Variants in MYLK4 observed in about 807,000 individuals in gnomAD.
The protein encoded by MYLK4 is myosin light chain kinase family member 4.
Under a neutral mutation model 48.1 loss-of-function variants are expected in MYLK4, and 46 were observed. The ratio of observed to expected loss-of-function variants is 0.96; its 90% confidence interval spans 0.75 to 1.22. The LOEUF is 1.22. MYLK4 is among the 50% of genes most tolerant of loss of function. The pLI, the probability that MYLK4 is intolerant of heterozygous loss-of-function variation, is 0.00. For synonymous variants in MYLK4, 170 were observed against 180.8 expected, an observed-to-expected ratio of 0.94 and a Z score of 0.48; for missense variants, 451 against 486.1, an observed-to-expected ratio of 0.93 and a Z score of 0.68.
intron 7 of MYLK4, among the ~76,000 whole-genome samples, chr6:2,682,031 C>T (rs1480452540): frequency 6.6e-6 from 1 of 152,206 alleles, no homozygotes; most frequent in East Asian, 1.9e-4. Context: ...CTGCTCTCCT[C>T]CTGCTCAAAA....
the MYLK4 span, among the ~76,000 whole-genome samples, chr6:2,769,233 T>G: frequency 6.6e-6 from 1 of 152,238 alleles, no homozygotes; most frequent in Admixed American, 6.5e-5. Context: ...AATGGGTTTT[T>G]AAAAATTACT....
chr6:2,765,763 C>T, the MYLK4 span: 1 of 1,473,212 alleles, frequency 6.8e-7, no homozygotes, highest in African/African-American at 1.5e-5. Flanking sequence ...CGGCGGGGCA[C>T]GCGGAGCCCG....
In MYLK4 at chr6:2,739,716, A is replaced by T. The variant is rs200170489; in HGVS notation, c.159+9420T>A. The stretch of plus-strand genomic sequence containing the variant: ...ATCATTACAATTAATACAAAATGCC[A>T]GGAGGCACTGTACAGGTTGTATCTC... On this transcript the variant is annotated intron_variant, in intron 2 of 12. Coordinates refer to ENST00000274643, the MANE Select transcript of MYLK4 (RefSeq NM_001012418.5). Among the ~76,000 whole-genome samples the T allele has an allele frequency of 1.8e-4, 27 of 152,404 alleles. No homozygotes were observed. The East Asian group carries it at 5.2e-3, about 29-fold the overall frequency.
At chr6:2,760,751 C>T in the MYLK4 span, among the ~76,000 whole-genome samples, 1 of 152,126 alleles carries the variant, frequency 6.6e-6, no homozygotes, top group Non-Finnish European at 1.5e-5. Flanking sequence ...GCATTTCTTT[C>T]ATACCAATAA....
intron 2 of MYLK4, among the ~76,000 whole-genome samples, chr6:2,702,641 AT>A (rs1285338693): frequency 6.6e-6 from 1 of 152,176 alleles, no homozygotes; most frequent in Non-Finnish European, 1.5e-5. Context: ...AAAGGAATAG[AT>A]TTTTAACATC....
intron 2 of MYLK4, among the ~76,000 whole-genome samples, chr6:2,702,399 C>A (rs1382778531): frequency 6.6e-6 from 1 of 152,004 alleles, no homozygotes; most frequent in Non-Finnish European, 1.5e-5. Context: ...TGTAACCTGG[C>A]TACAATAAAG....
In MYLK4 at chr6:2,701,028, T is replaced by C. The variant is rs189635625; in HGVS notation, c.160-8169A>G. ...GCTACTAAGAAATTGAGAGCGTGAG[T>C]GCATGTGTGTGTCAACCGACTTCAA... On this transcript the variant is annotated intron_variant, in intron 2 of 12. Coordinates refer to ENST00000274643, the MANE Select transcript of MYLK4 (RefSeq NM_001012418.5). Among the ~76,000 whole-genome samples, 118 of 152,250 alleles carry C rather than the reference T, an allele frequency of 7.8e-4. 1 individual carries two copies. Among genetic ancestry groups the C allele is most frequent in the African/African-American group, 2.8e-3 (117 of 41,528 alleles).
chr6:2,768,935 A>C, the MYLK4 span: 4 of 1,527,430 alleles, frequency 2.6e-6, no homozygotes, highest in Middle Eastern at 2.4e-4. Context: ...AACAATATAA[A>C]GTGTGTGAGA....
intron 2 of MYLK4, among the ~76,000 whole-genome samples, chr6:2,720,261 G>A (rs1029037414): frequency 1.1e-4 from 16 of 152,102 alleles, no homozygotes; most frequent in Non-Finnish European, 1.8e-4. Flanking sequence ...AAAATTAGCC[G>A]GGCGTGATGG....
the MYLK4 span, among the ~76,000 whole-genome samples, chr6:2,762,488 T>C: frequency 1.3e-5 from 2 of 152,222 alleles, no homozygotes; most frequent in Non-Finnish European, 2.9e-5. Flanking sequence ...GATGGGTTAA[T>C]TGATCATGTG....
intron 2 of MYLK4, among the ~76,000 whole-genome samples, chr6:2,715,150 G>A (rs4959204): frequency 0.44 from 66,711 of 151,706 alleles, 15,708 homozygotes; most frequent in East Asian, 0.57. Context: ...TGTGATCCCA[G>A]CTACTCAGGA....
At chr6:2,719,229 C>T (rs535652922) in intron 2 of MYLK4, among the ~76,000 whole-genome samples, 12 of 152,276 alleles carry the variant, frequency 7.9e-5, no homozygotes, top group African/African-American at 2.4e-4. Flanking sequence ...AAAACACTCC[C>T]GTCAGCTTCA....
At chr6:2,744,210 A>C in intron 2 of MYLK4, 1 of 394,054 alleles carries the variant, frequency 2.5e-6, no homozygotes, top group Non-Finnish European at 4.5e-6. Context: ...TTACGTGATC[A>C]GCAAATAATC....
At chr6:2,704,505 T>G (rs1228618402) in intron 2 of MYLK4, among the ~76,000 whole-genome samples, 1 of 152,236 alleles carries the variant, frequency 6.6e-6, no homozygotes, top group Non-Finnish European at 1.5e-5. Flanking sequence ...TTAGACCTAC[T>G]AAAAATCAGA....
In MYLK4 at chr6:2,665,516, C is replaced by T. The variant is rs1268197762; in HGVS notation, c.*2409G>A. ...CTCCTTTCTAAACCTCAAAACAAAA[C>T]AAAAATCACACCCACTCACTGCAGG... On this transcript the variant is annotated 3_prime_UTR_variant, in exon 13 of 13. Transcript: ENST00000274643. The T allele has an allele frequency of 1.3e-5, 2 of 152,194 alleles. No homozygotes were observed. Among genetic ancestry groups the T allele is most frequent in the Non-Finnish European group, 2.9e-5 (2 of 68,040 alleles). 9.4% of individuals were successfully genotyped at this position (152,194 alleles called of 1,614,324 possible).
chr6:2,737,887 T>G (rs1202344300), intron 2 of MYLK4, among the ~76,000 whole-genome samples: 1 of 136,874 alleles, frequency 7.3e-6, no homozygotes, highest in Non-Finnish European at 1.6e-5. Context: ...GTGTATTGTT[T>G]TGTTCATGTA....
chr6:2,726,622 T>C (rs1184287362), intron 2 of MYLK4, among the ~76,000 whole-genome samples: 2 of 150,652 alleles, frequency 1.3e-5, no homozygotes, highest in Admixed American at 6.6e-5. Flanking sequence ...TTTTTTTTTT[T>C]TTTTTTTGAG....
At chr6:2,683,559 A>G (rs903709721) in intron 6 of MYLK4, among the ~76,000 whole-genome samples, 3 of 152,126 alleles carry the variant, frequency 2.0e-5, no homozygotes, top group African/African-American at 4.8e-5. Flanking sequence ...AGCTGGGATT[A>G]GAGGCATGCG....
At chr6:2,675,184 TG>T in intron 10 of MYLK4, 59 bp from the exon 11 acceptor site, 10 of 1,264,856 alleles carry the variant, frequency 7.9e-6, no homozygotes, top group Non-Finnish European at 1.0e-5. Flanking sequence ...CTGTATCTGC[TG>T]TTCAATCTCA....
Sources: allele counts gnomAD v4.1 joint callset (sites outside exome capture counted in the v4.1 genomes callset), GRCh38; gene constraint gnomAD v4.1.1; transcripts MANE v1.5; gene names NCBI Gene and HGNC (gene_info 2026-07-23, HGNC 2026-07-21).